The following LPAR1 variants were observed in gnomAD, a reference collection of about 807,000 sequenced individuals.
LPAR1 encodes the protein lysophosphatidic acid receptor 1, also known as LPA receptor 1.
A neutral mutation model predicts 23.8 loss-of-function variants in LPAR1; 5 were observed. The observed-to-expected ratio is 0.21, with a 90% CI of 0.11 to 0.44. LPAR1 has a LOEUF of 0.44. Ranked by LOEUF, LPAR1 falls within the 20% of genes least tolerant of loss-of-function variation. The pLI is 0.99. For synonymous variants in LPAR1, 160 were observed against 164.7 expected, an observed-to-expected ratio of 0.97 and a Z score of 0.22; for missense variants, 311 against 482.8, an observed-to-expected ratio of 0.64 and a Z score of 3.33.
At chr9:110,901,014 AACTGCTCT>A (rs2088711988) in intron 5 of LPAR1, among the ~76,000 whole-genome samples, 1 of 152,168 alleles carries the variant, frequency 6.6e-6, no homozygotes, top group African/African-American at 2.4e-5. Flanking sequence ...TGTTCCTATA[AACTGCTCT>A]TCAGAGTGAA....
intron 2 of LPAR1, among the ~76,000 whole-genome samples, chr9:110,993,418 T>C (rs1488161082): frequency 6.6e-6 from 1 of 152,132 alleles, no homozygotes; most frequent in African/African-American, 2.4e-5. Context: ...GATCTCTTGA[T>C]TATAGGCTGT....
intron 4 of LPAR1, among the ~76,000 whole-genome samples, chr9:110,971,528 G>T (rs762869901): frequency 2.6e-5 from 4 of 152,142 alleles, no homozygotes; most frequent in African/African-American, 4.8e-5. Context: ...TGTCCCTGCC[G>T]TATTACTGCT....
At chr9:110,986,246 T>C (rs2096778508) in intron 2 of LPAR1, among the ~76,000 whole-genome samples, 2 of 152,142 alleles carry the variant, frequency 1.3e-5, no homozygotes, top group African/African-American at 4.8e-5. Context: ...ACATTTCTAC[T>C]GAGGGCGCCA....
chr9:111,014,071 A>C (rs775334477), intron 2 of LPAR1, among the ~76,000 whole-genome samples: 1 of 152,078 alleles, frequency 6.6e-6, no homozygotes, highest in South Asian at 2.1e-4. Context: ...TCCAAGGTCA[A>C]TTCTCACAAT....
chr9:110,983,643 T>C (rs756019733), intron 2 of LPAR1, among the ~76,000 whole-genome samples: 13 of 152,068 alleles, frequency 8.5e-5, no homozygotes, highest in South Asian at 2.1e-4. Context: ...GTAAATTTTA[T>C]GTTATGTGTA....
intron 5 of LPAR1, among the ~76,000 whole-genome samples, chr9:110,935,192 G>A (rs760452701): frequency 6.6e-6 from 1 of 152,118 alleles, no homozygotes; most frequent in African/African-American, 2.4e-5. Flanking sequence ...AAGATGGAAA[G>A]TGTGGATGGG....
At chr9:110,887,620 A>G (rs2082766156) in intron 5 of LPAR1, among the ~76,000 whole-genome samples, 1 of 152,200 alleles carries the variant, frequency 6.6e-6, no homozygotes, top group African/African-American at 2.4e-5. Context: ...AAAAACAATT[A>G]TTCAATTGGG....
intron 5 of LPAR1, among the ~76,000 whole-genome samples, chr9:110,896,479 T>C (rs2086379450): frequency 6.6e-6 from 1 of 152,236 alleles, no homozygotes; most frequent in African/African-American, 2.4e-5. Flanking sequence ...AGTCTGATTG[T>C]TACTGAATTA....
chr9:111,028,470 C>A (rs1206704088), intron 2 of LPAR1, among the ~76,000 whole-genome samples: 2 of 151,952 alleles, frequency 1.3e-5, no homozygotes, highest in Admixed American at 6.6e-5. Context: ...TTTTTCCTAT[C>A]AAATTGAAAT....
chr9:111,005,151 CAA>C (rs71371700), intron 2 of LPAR1, among the ~76,000 whole-genome samples: 6,734 of 74,356 alleles, frequency 0.091, 147 homozygotes, highest in Non-Finnish European at 0.11. Flanking sequence ...GACAAAGTCT[CAA>C]AAAAAAAAAA....
intron 5 of LPAR1, among the ~76,000 whole-genome samples, chr9:110,878,182 AT>A (rs2079634209): frequency 6.6e-6 from 1 of 152,134 alleles, no homozygotes; most frequent in African/African-American, 2.4e-5. Flanking sequence ...CTGTGTTTGG[AT>A]CTTCAAGACT....
intron 4 of LPAR1, among the ~76,000 whole-genome samples, chr9:110,964,186 T>C (rs972745975): frequency 1.3e-5 from 2 of 152,246 alleles, no homozygotes; most frequent in African/African-American, 4.8e-5. Flanking sequence ...CAATCTGTTT[T>C]CTCACTTAGA....
At chr9:110,884,933 G>A (rs1424040740) in intron 5 of LPAR1, among the ~76,000 whole-genome samples, 1 of 151,846 alleles carries the variant, frequency 6.6e-6, no homozygotes, top group Non-Finnish European at 1.5e-5. Flanking sequence ...CTTTTTATTT[G>A]GTATCCTGGG....
At chr9:110,924,642 G>A (rs1272347013) in intron 5 of LPAR1, among the ~76,000 whole-genome samples, 1 of 151,434 alleles carries the variant, frequency 6.6e-6, no homozygotes, top group Non-Finnish European at 1.5e-5. Context: ...ATTCCAGCCT[G>A]AGCAACATAG....
At chr9:111,032,803 T>C (rs1359311516) in intron 2 of LPAR1, among the ~76,000 whole-genome samples, 2 of 152,152 alleles carry the variant, frequency 1.3e-5, no homozygotes, top group Non-Finnish European at 2.9e-5. Context: ...GCATAGCAAA[T>C]CCTAAACTCT....
intron 5 of LPAR1, among the ~76,000 whole-genome samples, chr9:110,901,877 G>A (rs1182652980): frequency 6.6e-6 from 1 of 152,154 alleles, no homozygotes; most frequent in Non-Finnish European, 1.5e-5. Flanking sequence ...TCTATAATGA[G>A]TAGTCTTAAG....
chr9:111,015,288 C>T (rs957494426), intron 2 of LPAR1, among the ~76,000 whole-genome samples: 4 of 152,110 alleles, frequency 2.6e-5, no homozygotes, highest in African/African-American at 4.8e-5. Context: ...TCTCATTCAA[C>T]GGTATTGTCA....
chr9:110,998,296 G>GC (rs2097058712), intron 2 of LPAR1, among the ~76,000 whole-genome samples: 1 of 152,120 alleles, frequency 6.6e-6, no homozygotes, highest in Admixed American at 6.6e-5. Flanking sequence ...AGTTTTAAGT[G>GC]CTTTTAATAC....
At position 110,904,518 on chromosome 9, in the gene LPAR1, T is replaced by C. The variant is rs370299864; in HGVS notation, c.794-28796A>G. 1.9e-4 allele frequency among the ~76,000 whole-genome samples: 29 copies of C among 152,306 alleles called. No homozygotes were observed. The East Asian group carries it at 3.1e-3, about 16-fold the overall frequency. On this transcript the variant is annotated intron_variant, in intron 5 of 5. Coordinates refer to ENST00000683809, the MANE Select transcript of LPAR1 (RefSeq NM_001351411.2). ...AAGACATAGTAAATAAATAGAGGTA[T>C]AATCCCAAAAGTCCTCAATATCTAT...
Sources: gnomAD v4.1 joint callset for allele counts (sites outside exome capture counted in the v4.1 genomes callset) on GRCh38, gnomAD v4.1.1 for gene constraint, MANE v1.5 for transcripts, NCBI Gene and HGNC (gene_info 2026-07-23, HGNC 2026-07-21) for gene names.